Variants in GXYLT2 observed in about 807,000 individuals in gnomAD.
The protein encoded by GXYLT2 is glucoside xylosyltransferase 2, also known as glycosyltransferase 8 domain containing 4.
In GXYLT2, 53 loss-of-function variants were observed where a neutral mutation model predicts 45.8. The observed-to-expected ratio is 1.16, with a 90% CI of 0.93 to 1.46. GXYLT2 has a LOEUF of 1.46. Ranked by LOEUF, GXYLT2 falls within the 40% of genes most tolerant of loss-of-function variation. The pLI is 0.00. For missense variants in GXYLT2, 551 were observed against 544.4 expected (o/e 1.01, Z -0.12); for synonymous variants, 219 against 214.2 (o/e 1.02, Z -0.19).
At chr3:72,914,921 C>G (rs1044962710) in intron 2 of GXYLT2, among the ~76,000 whole-genome samples, 6 of 152,106 alleles carry the variant, frequency 3.9e-5, no homozygotes, top group African/African-American at 1.4e-4. Context: ...CGCAGTGGCT[C>G]ACACCTGTAA....
chr3:72,956,912 C>A, intron 4 of GXYLT2, among the ~76,000 whole-genome samples: 1 of 122,780 alleles, frequency 8.1e-6, no homozygotes, highest in Admixed American at 9.0e-5. Context: ...AAAACAAAAA[C>A]ACAGGAAGGA....
chr3:72,915,325 C>A (rs1030340068), intron 2 of GXYLT2, among the ~76,000 whole-genome samples: 1 of 115,154 alleles, frequency 8.7e-6, no homozygotes, highest in East Asian at 2.6e-4. Flanking sequence ...CATGCCTCTT[C>A]GTTACCCATT....
rs898266507 is a variant in GXYLT2 at position 72,937,902 on chromosome 3, A to G, written c.600+15567A>G. 4.0e-4 allele frequency among the ~76,000 whole-genome samples: 61 copies of G among 152,192 alleles called. 1 individual carries two copies. The highest frequency in any genetic ancestry group is 3.7e-3 in the Admixed American group (57 of 15,288). ...CTACCATCTTCAAAGTTGGAATACT[A>G]CACACTTTACTCATTTATTTTTTCG... On this transcript the variant is annotated intron_variant, in intron 3 of 6. Transcript: ENST00000389617.
chr3:72,900,176 T>G (rs1435856279), intron 1 of GXYLT2, among the ~76,000 whole-genome samples: 1 of 152,232 alleles, frequency 6.6e-6, no homozygotes, highest in African/African-American at 2.4e-5. Flanking sequence ...AAATGCCGTA[T>G]TTCATTATTT....
intron 1 of GXYLT2, among the ~76,000 whole-genome samples, chr3:72,903,232 T>TA (rs1159112415): frequency 6.6e-6 from 1 of 152,188 alleles, no homozygotes; most frequent in Non-Finnish European, 1.5e-5. Context: ...CAATAGGTCT[T>TA]ACGCAAGACC....
chr3:72,896,681 T>G (rs909151230), intron 1 of GXYLT2, among the ~76,000 whole-genome samples: 3 of 151,942 alleles, frequency 2.0e-5, no homozygotes, highest in Admixed American at 6.6e-5. Flanking sequence ...AAACCTGGTC[T>G]CTACCAAAAA....
chr3:72,915,048 G>C (rs1709707768), intron 2 of GXYLT2, among the ~76,000 whole-genome samples: 1 of 151,964 alleles, frequency 6.6e-6, no homozygotes, highest in African/African-American at 2.4e-5. Flanking sequence ...AGCTACTTAG[G>C]AGGCTGAGGC....
rs563909389 is a variant in GXYLT2, at chr3:72,962,439, A to G, written c.976+5087A>G. On this transcript the variant is annotated intron_variant, in intron 5 of 6. Coordinates refer to ENST00000389617, the MANE Select transcript of GXYLT2 (RefSeq NM_001080393.2). The stretch of plus-strand genomic sequence containing the variant: ...TGAATGAATGGAATTAAGAGAAGGG[A>G]GTGAAGGGGAAAAGTATTAATAAAT... 3.3e-5 allele frequency among the ~76,000 whole-genome samples: 5 copies of G among 152,288 alleles called. No individual in the cohort carries two copies. The East Asian group carries it at 9.6e-4, about 29-fold the overall frequency.
At chr3:72,914,768 C>A (rs1227376333) in intron 2 of GXYLT2, among the ~76,000 whole-genome samples, 1 of 152,008 alleles carries the variant, frequency 6.6e-6, no homozygotes, top group Non-Finnish European at 1.5e-5. Flanking sequence ...AAGATACCGA[C>A]GCCATAGAGC....
At position 72,908,384 on chromosome 3, in the gene GXYLT2, G is replaced by C. The variant is rs1392341655; in HGVS notation, c.293G>C (p.Arg98Thr). 1 of 1,609,222 alleles carries C rather than the reference G, an allele frequency of 6.2e-7. No individual in the cohort carries two copies. Among genetic ancestry groups the C allele is most frequent in the East Asian group, 2.2e-5 (1 of 44,870 alleles). Residue 98 changes from arginine (R) to threonine (T), a missense_variant, in exon 2 of 7, where the codon AGG (arginine) becomes ACG (threonine). Transcript: ENST00000389617. ...EKLARRPGEP[R>T]SFQAVLPPEL... is the part of the protein sequence containing the mutation. ...CTTTCTAGGAGGCCTGGAGAACCCA[G>C]GAGTTTCCAAGCTGTGCTGCCACCC...
rs528649685 is a variant in GXYLT2 at position 72,929,098 on chromosome 3, C to T, written c.600+6763C>T. On this transcript the variant is annotated intron_variant, in intron 3 of 6. Transcript: ENST00000389617. ...AGAGCTACCACCAGGACTCAGAGGC[C>T]GTCATCAACCGCTAGATCAACCTGG... The T allele has an allele frequency of 3.7e-4, 581 of 1,591,296 alleles. 12 individuals carry two copies. In the South Asian group the frequency reaches 6.0e-3, roughly 16 times the overall value.
chr3:72,966,298 GTT>G (rs10575256), intron 5 of GXYLT2, among the ~76,000 whole-genome samples: 14,413 of 143,948 alleles, frequency 0.1, 1,117 homozygotes, highest in East Asian at 0.39. Context: ...GGTTTTTGCT[GTT>G]TTTTTTTTTT....
intron 1 of GXYLT2, among the ~76,000 whole-genome samples, chr3:72,893,959 C>T (rs992459120): frequency 6.6e-6 from 1 of 152,126 alleles, no homozygotes; most frequent in Non-Finnish European, 1.5e-5. Context: ...AGTACTAAGC[C>T]TGTCAATACA....
At chr3:72,908,719 T>G (rs1709556510) in intron 2 of GXYLT2, among the ~76,000 whole-genome samples, 160 bp downstream of exon 2, 1 of 152,176 alleles carries the variant, frequency 6.6e-6, no homozygotes, top group South Asian at 2.1e-4. Context: ...CAGGGATAAT[T>G]ATACCTACCT....
chr3:72,954,471 A>T (rs1445126177), intron 3 of GXYLT2, among the ~76,000 whole-genome samples: 1 of 149,728 alleles, frequency 6.7e-6, no homozygotes, highest in African/African-American at 2.5e-5. Context: ...ATTTTAAAAG[A>T]TGCAGGGCCC....
intron 3 of GXYLT2, among the ~76,000 whole-genome samples, chr3:72,924,155 A>T (rs1709878642): frequency 6.6e-6 from 1 of 151,864 alleles, no homozygotes; most frequent in Admixed American, 6.6e-5. Flanking sequence ...TGGAGCTTGC[A>T]GGCTCAGCAA....
intron 5 of GXYLT2, among the ~76,000 whole-genome samples, chr3:72,960,276 T>G (rs1181375974): frequency 6.6e-6 from 1 of 152,228 alleles, no homozygotes; most frequent in African/African-American, 2.4e-5. Flanking sequence ...CGATCTAATT[T>G]AAGTCTCCCT....
At chr3:72,962,051 A>G (rs962746923) in intron 5 of GXYLT2, among the ~76,000 whole-genome samples, 1 of 152,162 alleles carries the variant, frequency 6.6e-6, no homozygotes, top group Non-Finnish European at 1.5e-5. Flanking sequence ...ACATGGGACA[A>G]GTCTCTTCAA....
chr3:72,955,121 A>G lies in GXYLT2; in HGVS notation c.624A>G (p.Ser208=). 6.2e-7 allele frequency: 1 copy of G among 1,613,870 alleles called. No homozygotes were observed. The highest frequency in any genetic ancestry group is 8.5e-7 in the Non-Finnish European group (1 of 1,179,870). The part of the protein sequence containing the change: ...FLPVILKDVD[S]LLYVDTDVLF... ...AGGTGATTTTAAAGGATGTGGACTC[A>G]CTTCTCTACGTGGACACCGATGTCC... is the stretch of plus-strand genomic sequence containing the variant. Residue 208 remains serine, a synonymous_variant, in exon 4 of 7, where the codon TCA becomes TCG. Coordinates refer to ENST00000389617, the MANE Select transcript of GXYLT2 (RefSeq NM_001080393.2).
Sources: allele counts gnomAD v4.1 joint callset (sites outside exome capture counted in the v4.1 genomes callset), GRCh38; gene constraint gnomAD v4.1.1; transcripts MANE v1.5; gene names NCBI Gene and HGNC (gene_info 2026-07-23, HGNC 2026-07-21).